Variants in RGS6 observed in about 807,000 individuals in gnomAD.
RGS6 encodes the protein regulator of G-protein signaling 6.
In RGS6, 30 loss-of-function variants were observed where a neutral mutation model predicts 78.5. The ratio of observed to expected loss-of-function variants is 0.38; its 90% CI spans 0.29 to 0.52. The LOEUF is 0.52. Ranked by LOEUF, RGS6 falls within the 20% of genes least tolerant of loss-of-function variation. RGS6 has a pLI of 0.85. For missense variants in RGS6, 495 were observed against 609.7 expected (o/e 0.81, Z 1.98); for synonymous variants, 206 against 206.0 (o/e 1.00, Z 0.00).
chr14:72,143,262 G>T (rs959682487), intron 2 of RGS6, among the ~76,000 whole-genome samples: 9 of 151,938 alleles, frequency 5.9e-5, no homozygotes, highest in African/African-American at 2.2e-4. Flanking sequence ...AATCCCAGCT[G>T]CTCGGGAGGC....
At chr14:71,930,579 AAGT>A (rs1212685170), upstream of RGS6, among the ~76,000 whole-genome samples, 11 of 152,052 alleles carry the variant, frequency 7.2e-5, no homozygotes, top group Admixed American at 6.6e-4. Context: ...TTTTAAAGAG[AAGT>A]ACACAGTAAG....
rs1367567278 is a variant in RGS6 at position 72,101,665 on chromosome 14, G to A, written c.84+136790G>A. Among the ~76,000 whole-genome samples the A allele has an allele frequency of 5.9e-5, 9 of 152,236 alleles. No individual in the cohort carries two copies. In the East Asian group the frequency reaches 9.7e-4, roughly 16 times the overall value. ...TGAAGTCAGACTTTGCTAAGTGAAC[G>A]CTTGGATACGTGTTGTGCATCTCTG... On this transcript the variant is annotated intron_variant, in intron 2 of 17. Coordinates refer to ENST00000553525, the MANE Select transcript of RGS6 (RefSeq NM_001204424.2).
chr14:72,088,256 G>A (rs574270322), intron 2 of RGS6, among the ~76,000 whole-genome samples: 1 of 152,230 alleles, frequency 6.6e-6, no homozygotes, highest in South Asian at 2.1e-4. Context: ...AGAAATAAAT[G>A]CATCACTCAT....
chr14:72,020,257 G>GAGGAA (rs942318139), intron 2 of RGS6, among the ~76,000 whole-genome samples: 4 of 152,226 alleles, frequency 2.6e-5, no homozygotes, highest in African/African-American at 9.6e-5. Context: ...TATCTGACAG[G>GAGGAA]AGGAAAGGAA....
At chr14:71,910,338 G>A in the RGS6 span, among the ~76,000 whole-genome samples, 10 of 152,120 alleles carry the variant, frequency 6.6e-5, no homozygotes, top group African/African-American at 1.9e-4. Context: ...ATCTACAAAC[G>A]AGCCTTGCTC....
chr14:72,465,594 A>G (rs192882130), intron 6 of RGS6, among the ~76,000 whole-genome samples, 164 bp from the exon 7 acceptor site: 32 of 121,192 alleles, frequency 2.6e-4, no homozygotes, highest in East Asian at 7.0e-4. Flanking sequence ...GGATGGATGG[A>G]TGGATGGTTG....
chr14:72,420,819 T>C (rs8003581), intron 3 of RGS6, among the ~76,000 whole-genome samples: 1 of 152,000 alleles, frequency 6.6e-6, no homozygotes, highest in Non-Finnish European at 1.5e-5. Context: ...CAGAACGCCA[T>C]TGATTATTAA....
At chr14:71,964,463 G>A (rs1193060417) in intron 1 of RGS6, among the ~76,000 whole-genome samples, 1 of 152,054 alleles carries the variant, frequency 6.6e-6, no homozygotes, top group Non-Finnish European at 1.5e-5. Context: ...CTGAGATCGC[G>A]TCATTGCACT....
chr14:72,570,499 T>C (rs866437815), downstream of RGS6, among the ~76,000 whole-genome samples: 2 of 152,236 alleles, frequency 1.3e-5, no homozygotes, highest in Non-Finnish European at 2.9e-5. Context: ...GGTTACATGA[T>C]AGTATAAGCA....
At chr14:72,625,183 G>A in the RGS6 span, among the ~76,000 whole-genome samples, 3 of 152,136 alleles carry the variant, frequency 2.0e-5, no homozygotes, top group Non-Finnish European at 4.4e-5. Context: ...TAACTGTGAA[G>A]TGTGCCCAAT....
chr14:72,435,810 C>G (rs1451647501), intron 3 of RGS6, among the ~76,000 whole-genome samples: 1 of 145,500 alleles, frequency 6.9e-6, no homozygotes, highest in Non-Finnish European at 1.5e-5. Flanking sequence ...CCTTCTACCT[C>G]TCTTTCATAA....
chr14:72,410,144 C>T (rs1377317883), intron 3 of RGS6, among the ~76,000 whole-genome samples: 1 of 152,244 alleles, frequency 6.6e-6, no homozygotes, highest in African/African-American at 2.4e-5. Context: ...GCCACACCAA[C>T]TTCCACAATG....
Position 72,057,667 on chromosome 14 carries a change from A to T in RGS6, c.84+92792A>T, listed in dbSNP as rs879550763. On this transcript the variant is annotated intron_variant, in intron 2 of 17. Transcript: ENST00000553525. ...TCTCATTTTAACTCATTATTAAACT[A>T]GCAGACTTGATTGCAGTGAATTTTT... Among the ~76,000 whole-genome samples the T allele has an allele frequency of 3.9e-5, 6 of 152,196 alleles. 1 individual carries two copies. Among genetic ancestry groups the T allele is most frequent in the Admixed American group, 3.9e-4 (6 of 15,284 alleles).
chr14:72,612,770 G>C, the RGS6 span: 666 of 365,842 alleles, frequency 1.8e-3, 10 homozygotes, highest in African/African-American at 0.013. Context: ...TTCATGAAAA[G>C]AAGCATAGGT....
intron 15 of RGS6, among the ~76,000 whole-genome samples, chr14:72,532,822 G>T (rs1021737581): frequency 2.6e-5 from 4 of 152,236 alleles, no homozygotes; most frequent in African/African-American, 9.6e-5. Flanking sequence ...TGAGGAAGCT[G>T]CAGAAGAAAA....
the RGS6 span, among the ~76,000 whole-genome samples, chr14:72,579,914 G>A: frequency 6.6e-5 from 10 of 152,306 alleles, no homozygotes; most frequent in East Asian, 1.4e-3. Context: ...GATGGGGCAC[G>A]AATTGAATCA....
At chr14:72,589,902 TCTGA>T in the RGS6 span, among the ~76,000 whole-genome samples, 1,813 of 152,320 alleles carry the variant, frequency 0.012, 41 homozygotes, top group African/African-American at 0.042. Context: ...AAAGGGACTC[TCTGA>T]CTGAAGACTC....
At chr14:72,541,471 A>G (rs1324517703) in intron 17 of RGS6, 1 of 1,535,612 alleles carries the variant, frequency 6.5e-7, no homozygotes. Flanking sequence ...AGAAATCAGA[A>G]TGTGCAGAAC....
At chr14:72,034,302 G>C (rs1250776302) in intron 2 of RGS6, among the ~76,000 whole-genome samples, 1 of 151,900 alleles carries the variant, frequency 6.6e-6, no homozygotes, top group Admixed American at 6.6e-5. Context: ...GTTAGCTGTG[G>C]GATTTTCATA....
Sources: gnomAD v4.1 joint callset for allele counts (sites outside exome capture counted in the v4.1 genomes callset) on GRCh38, gnomAD v4.1.1 for gene constraint, MANE v1.5 for transcripts, NCBI Gene and HGNC (gene_info 2026-07-23, HGNC 2026-07-21) for gene names.